GSE1: variants seen among roughly 807,000 people sequenced by gnomAD.
GSE1 encodes Gse1 coiled-coil protein, also known as genetic suppressor element 1.
In GSE1, 32 loss-of-function variants were observed where a neutral mutation model predicts 112.6. The ratio of observed to expected loss-of-function variants is 0.28; its 90% CI spans 0.21 to 0.38. The LOEUF is 0.38. Among genes scored for constraint, GSE1 ranks in the 10% least tolerant of loss-of-function variants. The pLI is 1.00. For synonymous variants in GSE1, 1,115 were observed against 735.6 expected (o/e 1.52, Z -8.35); for missense variants, 2,348 against 1,699.2 (o/e 1.38, Z -6.71).
intron 2 of GSE1, among the ~76,000 whole-genome samples, chr16:85,399,847 G>C (rs1005787728): frequency 1.3e-5 from 2 of 152,172 alleles, no homozygotes; most frequent in Admixed American, 6.5e-5. Flanking sequence ...TGCGGGCTGC[G>C]GTTATCATGA....
chr16:85,640,964 G>A (rs1444252595), intron 2 of GSE1, among the ~76,000 whole-genome samples: 1 of 152,240 alleles, frequency 6.6e-6, no homozygotes, highest in Non-Finnish European at 1.5e-5. Context: ...CCACGGAGAG[G>A]ACCCCACCAC....
At chr16:85,327,257 G>A (rs2151509721) in intron 1 of GSE1, among the ~76,000 whole-genome samples, 1 of 152,354 alleles carries the variant, frequency 6.6e-6, no homozygotes. Flanking sequence ...ATTAGCAGAT[G>A]CAGACACAGA....
At chr16:85,194,524 A>G (rs1432258998) in intron 1 of GSE1, among the ~76,000 whole-genome samples, 1 of 152,202 alleles carries the variant, frequency 6.6e-6, no homozygotes. Flanking sequence ...TTTGAGCAGG[A>G]GATGACTCTG....
intron 1 of GSE1, among the ~76,000 whole-genome samples, chr16:85,596,783 C>G (rs2047245412): frequency 6.6e-6 from 1 of 152,090 alleles, no homozygotes; most frequent in South Asian, 2.1e-4. Flanking sequence ...CAGCTGTAAT[C>G]CCAGCACTTT....
chr16:85,205,045 G>A (rs747346488), intron 1 of GSE1, among the ~76,000 whole-genome samples: 17 of 131,182 alleles, frequency 1.3e-4, no homozygotes, highest in South Asian at 2.4e-4. Context: ...GCATGTACAC[G>A]TACGTCTTGG....
intron 2 of GSE1, among the ~76,000 whole-genome samples, chr16:85,401,068 C>T (rs761311842): frequency 2.6e-5 from 4 of 152,130 alleles, no homozygotes; most frequent in African/African-American, 4.8e-5. Context: ...GGCCAAACCA[C>T]GAAAGCCCAA....
intron 1 of GSE1, among the ~76,000 whole-genome samples, chr16:85,569,156 A>G (rs2045879211): frequency 6.6e-6 from 1 of 152,168 alleles, no homozygotes; most frequent in Non-Finnish European, 1.5e-5. Context: ...AACCCTGCCT[A>G]ACACTCTAGC....
intron 2 of GSE1, among the ~76,000 whole-genome samples, chr16:85,377,387 G>C (rs967171460): frequency 1.3e-5 from 2 of 152,184 alleles, no homozygotes; most frequent in African/African-American, 4.8e-5. Flanking sequence ...TTAACTCAAG[G>C]ACTCTGGTTT....
chr16:85,339,254 G>A (rs1043482621), intron 1 of GSE1, among the ~76,000 whole-genome samples: 7 of 152,170 alleles, frequency 4.6e-5, no homozygotes, highest in Non-Finnish European at 7.3e-5. Context: ...CCACCTGGGC[G>A]TGGATGCCAA....
intron 2 of GSE1, among the ~76,000 whole-genome samples, chr16:85,422,983 T>A (rs2170847): frequency 0.35 from 53,491 of 152,072 alleles, 10,591 homozygotes; most frequent in Non-Finnish European, 0.44. Flanking sequence ...GCCTGGCTTT[T>A]AAATAGCACC....
At chr16:85,558,382 C>G (rs768026162) in intron 1 of GSE1, among the ~76,000 whole-genome samples, 5 of 151,924 alleles carry the variant, frequency 3.3e-5, no homozygotes, top group Non-Finnish European at 7.4e-5. Context: ...AGGGCGTCTT[C>G]AAAGCACAGG....
rs376384805 is a variant in GSE1, at chr16:85,636,952, C to T, written c.226+2820C>T. 1.8e-4 allele frequency among the ~76,000 whole-genome samples: 27 copies of T among 152,250 alleles called. 1 individual carries two copies. Among genetic ancestry groups the T allele is most frequent in the Admixed American group, 4.6e-4 (7 of 15,288 alleles). On this transcript the variant is annotated intron_variant, in intron 2 of 15. Transcript: ENST00000253458. ...CCCCCAGCTCCCTGGTGCTACCTCC[C>T]CATCTGCGCCAGAGGGCAGCAGGGG...
intron 2 of GSE1, among the ~76,000 whole-genome samples, chr16:85,433,202 C>G (rs2049162668): frequency 6.6e-6 from 1 of 152,018 alleles, no homozygotes; most frequent in African/African-American, 2.4e-5. Context: ...TGGCCCCAGA[C>G]ATTCTCTTGC....
At chr16:85,654,701 GC>G in intron 4 of GSE1, 92 bp from the exon 5 acceptor site, 1 of 842,706 alleles carries the variant, frequency 1.2e-6, no homozygotes, top group Non-Finnish European at 1.9e-6. Context: ...CCGACTGAGC[GC>G]CAGGGGTGAT....
intron 2 of GSE1, among the ~76,000 whole-genome samples, chr16:85,437,250 C>T (rs1040108480): frequency 6.6e-6 from 1 of 152,174 alleles, no homozygotes; most frequent in Non-Finnish European, 1.5e-5. Context: ...CAGAGGCCCC[C>T]TGCACGCCCT....
chr16:85,542,304 G>A (rs561374370), intron 2 of GSE1, among the ~76,000 whole-genome samples: 1 of 152,334 alleles, frequency 6.6e-6, no homozygotes, highest in Non-Finnish European at 1.5e-5. Context: ...TGAGCAGATG[G>A]TGTGTCTGAG....
At chr16:85,482,232 C>G (rs2050702548) in intron 2 of GSE1, among the ~76,000 whole-genome samples, 1 of 152,206 alleles carries the variant, frequency 6.6e-6, no homozygotes, top group African/African-American at 2.4e-5. Context: ...GGTCCAGCTC[C>G]AGGACCCTCC....
chr16:85,537,967 A>G (rs144918572), intron 2 of GSE1, among the ~76,000 whole-genome samples: 15 of 152,316 alleles, frequency 9.8e-5, no homozygotes, highest in African/African-American at 2.6e-4. Flanking sequence ...GTGGACGGAA[A>G]GGCAGCTGAG....
At chr16:85,304,601 C>CGGGGGGGGGGGGGGG (rs1290541396) in intron 1 of GSE1, among the ~76,000 whole-genome samples, 1 of 78,170 alleles carries the variant, frequency 1.3e-5, no homozygotes, top group Non-Finnish European at 2.5e-5. Flanking sequence ...AAGCCGGGGG[C>CGGGGGGGGGGGGGGG]GGGGGGGTGG....
Sources: gnomAD v4.1 joint callset for allele counts (sites outside exome capture counted in the v4.1 genomes callset) on GRCh38, gnomAD v4.1.1 for gene constraint, MANE v1.5 for transcripts, NCBI Gene and HGNC (gene_info 2026-07-23, HGNC 2026-07-21) for gene names.